CRACD: variants seen among roughly 807,000 people sequenced by gnomAD.
CRACD encodes the protein capping protein inhibiting regulator of actin dynamics.
In CRACD, 56 loss-of-function variants were observed where a neutral mutation model predicts 106.8. That is an observed-to-expected ratio of 0.52 (90% confidence interval 0.42 to 0.66). CRACD has a LOEUF of 0.66. CRACD is among the 30% of genes least tolerant of loss of function. The probability of loss-of-function intolerance (pLI) is 0.00; values close to 1 mark genes in which losing one functional copy is unlikely to be tolerated. For missense variants in CRACD, 1,730 were observed against 1,623.2 expected (o/e 1.07, Z -1.13); for synonymous variants, 754 against 670.8 (o/e 1.12, Z -1.92).
chr4:56,326,155 GC>G (rs797011631), intron 10 of CRACD, among the ~76,000 whole-genome samples: 80 of 152,170 alleles, frequency 5.3e-4, no homozygotes, highest in African/African-American at 1.5e-3. Context: ...CAAGTGATCC[GC>G]CCACCTCGGC....
intron 2 of CRACD, among the ~76,000 whole-genome samples, chr4:56,218,568 C>T (rs995647403): frequency 4.5e-5 from 6 of 131,932 alleles, no homozygotes; most frequent in Admixed American, 8.1e-5. Flanking sequence ...CTCTTCACTT[C>T]TCCCCTCCTT....
intron 3 of CRACD, among the ~76,000 whole-genome samples, chr4:56,288,990 CATT>C (rs1303727077): frequency 6.6e-6 from 1 of 152,176 alleles, no homozygotes; most frequent in African/African-American, 2.4e-5. Flanking sequence ...ACTTTCAAAA[CATT>C]ATGCTAAGTG....
At chr4:56,137,216 G>A (rs1336908417) in intron 1 of CRACD, among the ~76,000 whole-genome samples, 3 of 151,896 alleles carry the variant, frequency 2.0e-5, no homozygotes, top group Non-Finnish European at 4.4e-5. Flanking sequence ...AGGTTGCGGT[G>A]AGCTGGAATC....
chr4:56,130,581 T>C (rs534382846), intron 1 of CRACD, among the ~76,000 whole-genome samples: 3 of 152,264 alleles, frequency 2.0e-5, no homozygotes, highest in African/African-American at 7.2e-5. Context: ...ATAATTTCTC[T>C]TATTTATCAG....
chr4:56,073,862 T>C (rs1732748453), intron 1 of CRACD, among the ~76,000 whole-genome samples: 3 of 152,224 alleles, frequency 2.0e-5, no homozygotes, highest in Admixed American at 6.5e-5. Flanking sequence ...CTTTAATCCA[T>C]CTTGAGTTAA....
At chr4:56,257,015 A>C (rs1741395366) in intron 2 of CRACD, among the ~76,000 whole-genome samples, 1 of 152,140 alleles carries the variant, frequency 6.6e-6, no homozygotes, top group South Asian at 2.1e-4. Context: ...ATACATTACA[A>C]AATAACAGGT....
chr4:56,323,201 T>C (rs1746212578), intron 8 of CRACD, among the ~76,000 whole-genome samples, 176 bp from the exon 9 acceptor site: 1 of 152,172 alleles, frequency 6.6e-6, no homozygotes, highest in African/African-American at 2.4e-5. Flanking sequence ...TGATCAAACA[T>C]GTTACCTTCC....
chr4:56,223,222 CTCT>C (rs1362757571), intron 2 of CRACD, among the ~76,000 whole-genome samples: 1 of 89,670 alleles, frequency 1.1e-5, no homozygotes, highest in Non-Finnish European at 2.2e-5. Flanking sequence ...TGATTCTTTT[CTCT>C]TTTTTTTTTT....
chr4:56,258,451 G>A (rs1016069418), intron 2 of CRACD, among the ~76,000 whole-genome samples: 13 of 152,212 alleles, frequency 8.5e-5, no homozygotes, highest in Admixed American at 5.9e-4. Flanking sequence ...TCATGAGCAT[G>A]TTCTTAACCT....
chr4:56,295,699 AT>A (rs1743979743), intron 3 of CRACD, among the ~76,000 whole-genome samples: 1 of 77,218 alleles, frequency 1.3e-5, no homozygotes, highest in African/African-American at 4.7e-5. Flanking sequence ...ATATATATAT[AT>A]ATATATATAT....
At chr4:56,183,255 TAAAATA>T (rs1208364598) in intron 2 of CRACD, among the ~76,000 whole-genome samples, 9 of 140,912 alleles carry the variant, frequency 6.4e-5, no homozygotes, top group Non-Finnish European at 7.8e-5. Flanking sequence ...TAAAATAAAA[TAAAATA>T]AAATAAAATA....
chr4:56,082,164 G>A (rs1198150605), intron 1 of CRACD, among the ~76,000 whole-genome samples: 1 of 152,212 alleles, frequency 6.6e-6, no homozygotes, highest in African/African-American at 2.4e-5. Flanking sequence ...ATAGGCTGCT[G>A]TGAAGAGGTG....
intron 1 of CRACD, among the ~76,000 whole-genome samples, chr4:56,098,086 CT>C (rs1240600782): frequency 2.0e-5 from 3 of 152,142 alleles, no homozygotes; most frequent in Non-Finnish European, 4.4e-5. Context: ...TCTAAATGCT[CT>C]TTGGGAAATC....
At chr4:56,113,707 C>A (rs1008368627) in intron 1 of CRACD, among the ~76,000 whole-genome samples, 1 of 152,032 alleles carries the variant, frequency 6.6e-6, no homozygotes, top group Non-Finnish European at 1.5e-5. Flanking sequence ...TTTGCTTCTC[C>A]CACCAGACTG....
Position 56,329,761 on chromosome 4 carries a change from G to C in CRACD, c.*1957G>C, listed in dbSNP as rs959929744. 1.3e-5 allele frequency among the ~76,000 whole-genome samples: 2 copies of C among 152,112 alleles called. No individual in the cohort carries two copies. The highest frequency in any genetic ancestry group is 2.4e-5 in the African/African-American group (1 of 41,416). ...ACAGCCCTGGAATGATAATGCTACAGTAATTCTTCTGAATTGACTTTTTCT... is the reference window on the plus strand; with the variant it reads ...ACAGCCCTGGAATGATAATGCTACACTAATTCTTCTGAATTGACTTTTTCT... On this transcript the variant is annotated 3_prime_UTR_variant, in exon 11 of 11. Coordinates refer to ENST00000682029, the MANE Select transcript of CRACD (RefSeq NM_001393381.1).
intron 1 of CRACD, among the ~76,000 whole-genome samples, chr4:56,094,015 G>T (rs1733511236): frequency 6.6e-6 from 1 of 152,144 alleles, no homozygotes; most frequent in African/African-American, 2.4e-5. Context: ...GTTCTTGTTA[G>T]ATAGTCACTA....
At position 56,080,368 on chromosome 4, in the gene CRACD, A is replaced by G. The variant is rs76688217; in HGVS notation, c.-336+31069A>G. Among the ~76,000 whole-genome samples, 94 of 152,296 alleles carry G rather than the reference A, an allele frequency of 6.2e-4. No individual in the cohort carries two copies. The East Asian group carries it at 0.015, about 25-fold the overall frequency. On this transcript the variant is annotated intron_variant, in intron 1 of 10. Transcript: ENST00000682029. The stretch of plus-strand genomic sequence containing the variant: ...ACAATTCTAAATTTGATGTCCATAA[A>G]CCATTTTACATTCTTTATAGGCAAC...
intron 2 of CRACD, among the ~76,000 whole-genome samples, chr4:56,186,254 T>G (rs1270277234): frequency 6.6e-6 from 1 of 152,176 alleles, no homozygotes; most frequent in African/African-American, 2.4e-5. Context: ...ATTAGGTTGG[T>G]GTAGTGCTAG....
intron 1 of CRACD, among the ~76,000 whole-genome samples, chr4:56,145,937 T>C (rs1184077962): frequency 6.6e-6 from 1 of 151,992 alleles, no homozygotes; most frequent in African/African-American, 2.4e-5. Flanking sequence ...TTTTTCTTAC[T>C]TTTTTTTGGT....
Sources: allele counts gnomAD v4.1 joint callset (sites outside exome capture counted in the v4.1 genomes callset), GRCh38; gene constraint gnomAD v4.1.1; transcripts MANE v1.5; gene names NCBI Gene and HGNC (gene_info 2026-07-23, HGNC 2026-07-21).